Variants in ST3GAL3 observed in about 807,000 individuals in gnomAD.
ST3GAL3 encodes CMP-N-acetylneuraminate-beta-1,4-galactoside alpha-2,3-sialyltransferase.
In ST3GAL3, 21 loss-of-function variants were observed where a neutral mutation model predicts 50.1. That is an observed-to-expected ratio of 0.42 (90% CI 0.30 to 0.60). The LOEUF (loss-of-function observed/expected upper bound fraction) is 0.60, where lower values mean the gene tolerates loss of function less well. Ranked by LOEUF, ST3GAL3 falls within the 20% of genes least tolerant of loss-of-function variation. ST3GAL3 has a pLI of 0.19. For missense variants in ST3GAL3, 353 were observed against 489.4 expected, an observed-to-expected ratio of 0.72 and a Z score of 2.63; for synonymous variants, 183 against 190.0, an observed-to-expected ratio of 0.96 and a Z score of 0.30.
intron 5 of ST3GAL3, among the ~76,000 whole-genome samples, chr1:43,874,381 T>C (rs549534611): frequency 6.6e-6 from 1 of 152,314 alleles, no homozygotes; most frequent in African/African-American, 2.4e-5. Flanking sequence ...GATAACTCTT[T>C]GAAGGAGTGT....
At chr1:43,793,694 C>T (rs2058356566) in intron 3 of ST3GAL3, among the ~76,000 whole-genome samples, 3 of 152,222 alleles carry the variant, frequency 2.0e-5, no homozygotes, top group South Asian at 2.1e-4. Flanking sequence ...TAAATGGATC[C>T]AAAACTTGCA....
chr1:43,904,499 C>A (rs1032649856), intron 9 of ST3GAL3, among the ~76,000 whole-genome samples: 1 of 151,948 alleles, frequency 6.6e-6, no homozygotes, highest in Non-Finnish European at 1.5e-5. Flanking sequence ...GCCTCTTATC[C>A]CTGGGAGGGC....
chr1:43,917,612 A>ATATTATATAT (rs1418938924), intron 9 of ST3GAL3, among the ~76,000 whole-genome samples: 2 of 71,142 alleles, frequency 2.8e-5, no homozygotes, highest in Non-Finnish European at 5.0e-5. Context: ...ATTATATATT[A>ATATTATATAT]TATATTATAT....
chr1:43,736,539 G>A (rs1202493008), intron 2 of ST3GAL3, 159 bp downstream of exon 2: 1 of 1,285,808 alleles, frequency 7.8e-7, no homozygotes, highest in Non-Finnish European at 1.1e-6. Flanking sequence ...ATTTTAGCTG[G>A]TATAGGCTGA....
chr1:43,796,378 C>T (rs907453354), intron 3 of ST3GAL3, among the ~76,000 whole-genome samples: 4 of 152,176 alleles, frequency 2.6e-5, no homozygotes, highest in Non-Finnish European at 5.9e-5. Context: ...GGAAAGCAAC[C>T]GCTTTAAGTT....
intron 1 of ST3GAL3, among the ~76,000 whole-genome samples, chr1:43,710,893 G>T (rs1439158404): frequency 1.3e-5 from 2 of 152,128 alleles, no homozygotes; most frequent in African/African-American, 4.8e-5. Flanking sequence ...CTTAAATCCT[G>T]CTTCTACCCA....
intron 5 of ST3GAL3, among the ~76,000 whole-genome samples, chr1:43,862,188 C>G (rs575684550): frequency 2.0e-5 from 3 of 152,336 alleles, no homozygotes; most frequent in African/African-American, 7.2e-5. Flanking sequence ...TCAGCTTGGC[C>G]AGCTGTCCAC....
At chr1:43,717,070 G>C (rs893473250) in intron 1 of ST3GAL3, among the ~76,000 whole-genome samples, 3 of 152,278 alleles carry the variant, frequency 2.0e-5, no homozygotes, top group African/African-American at 7.2e-5. Context: ...TCCCTCTCCT[G>C]CCCTTCTGCT....
At chr1:43,921,763 G>C in intron 11 of ST3GAL3, 1 of 398,798 alleles carries the variant, frequency 2.5e-6, no homozygotes, top group Non-Finnish European at 4.4e-6. Context: ...CCCTCTTCCA[G>C]TGAAGAAACT....
intron 2 of ST3GAL3, among the ~76,000 whole-genome samples, chr1:43,750,892 A>C (rs1484890811): frequency 2.0e-5 from 3 of 152,168 alleles, no homozygotes; most frequent in African/African-American, 7.2e-5. Flanking sequence ...GAAAAAAAAA[A>C]AGCTATCTTT....
At chr1:43,831,125 T>C (rs371377837) in intron 4 of ST3GAL3, among the ~76,000 whole-genome samples, 6 of 152,370 alleles carry the variant, frequency 3.9e-5, no homozygotes, top group African/African-American at 1.4e-4. Context: ...GTTGCACACC[T>C]AGTAAGTAGA....
At chr1:43,757,959 T>TAC (rs1688721693) in intron 2 of ST3GAL3, among the ~76,000 whole-genome samples, 3 of 151,952 alleles carry the variant, frequency 2.0e-5, no homozygotes, top group Admixed American at 6.6e-5. Context: ...ACAAAGGTCT[T>TAC]GTACCTTACT....
chr1:43,919,442 C>G (rs576248307), intron 9 of ST3GAL3: 1 of 152,422 alleles, frequency 6.6e-6, no homozygotes, highest in East Asian at 1.9e-4. Context: ...GCAGTGCCGC[C>G]AGTCTGCAGG....
chr1:43,925,461 A>C (rs2083758000), intron 11 of ST3GAL3, among the ~76,000 whole-genome samples: 1 of 152,174 alleles, frequency 6.6e-6, no homozygotes, highest in Non-Finnish European at 1.5e-5. Flanking sequence ...TGTGTAAAAA[A>C]GGCCTGCCAC....
At chr1:43,911,475 T>A (rs1312461610) in intron 9 of ST3GAL3, among the ~76,000 whole-genome samples, 1 of 151,108 alleles carries the variant, frequency 6.6e-6, no homozygotes. Context: ...TTCTAGGACA[T>A]TTTTCAAGGA....
chr1:43,727,388 G>A (rs1673453893), intron 1 of ST3GAL3: 1 of 152,134 alleles, frequency 6.6e-6, no homozygotes, highest in Non-Finnish European at 1.5e-5. Flanking sequence ...AGGAGAAAAG[G>A]GAGGTCGATA....
intron 5 of ST3GAL3, chr1:43,894,144 C>G: frequency 3.7e-6 from 2 of 544,400 alleles, no homozygotes; most frequent in South Asian, 3.9e-5. Context: ...TGTCTCTCCA[C>G]TCCTACAGCT....
intron 1 of ST3GAL3, among the ~76,000 whole-genome samples, chr1:43,709,073 C>T (rs1238125130): frequency 1.3e-5 from 2 of 152,138 alleles, no homozygotes; most frequent in African/African-American, 4.8e-5. Context: ...GAAGGTTTCA[C>T]AGGGAAGCTG....
chr1:43,923,853 G>A (rs922491272), intron 11 of ST3GAL3, among the ~76,000 whole-genome samples: 9 of 151,934 alleles, frequency 5.9e-5, no homozygotes, highest in South Asian at 2.1e-4. Context: ...GGCCTCAAAC[G>A]ATCCTCCTGC....
Sources: allele counts gnomAD v4.1 joint callset (sites outside exome capture counted in the v4.1 genomes callset), GRCh38; gene constraint gnomAD v4.1.1; transcripts MANE v1.5; gene names NCBI Gene and HGNC (gene_info 2026-07-23, HGNC 2026-07-21).